PCCA: variants seen among roughly 807,000 people sequenced by gnomAD.
PCCA encodes propionyl-CoA carboxylase subunit alpha.
Under a neutral mutation model 101.3 loss-of-function variants are expected in PCCA, and 74 were observed. The ratio of observed to expected loss-of-function variants is 0.73; its 90% CI spans 0.61 to 0.89. The LOEUF is 0.89. Among genes scored for constraint, PCCA ranks in the 40% least tolerant of loss-of-function variants. PCCA has a pLI of 0.00. For synonymous variants in PCCA, 294 were observed against 313.6 expected (o/e 0.94, Z 0.66); for missense variants, 891 against 907.0 (o/e 0.98, Z 0.23).
At chr13:100,389,975 C>G (rs142538256) in intron 19 of PCCA, among the ~76,000 whole-genome samples, 1 of 152,186 alleles carries the variant, frequency 6.6e-6, no homozygotes, top group Non-Finnish European at 1.5e-5. Flanking sequence ...TTTGGAGAGG[C>G]AAGACTGGAG....
intron 20 of PCCA, among the ~76,000 whole-genome samples, chr13:100,446,206 T>G (rs2080819154): frequency 1.3e-5 from 2 of 152,044 alleles, no homozygotes; most frequent in Non-Finnish European, 2.9e-5. Flanking sequence ...CCCGGCTACT[T>G]TTTATATTTT....
At chr13:100,187,096 A>G (rs1045288828) in intron 6 of PCCA, among the ~76,000 whole-genome samples, 1 of 152,242 alleles carries the variant, frequency 6.6e-6, no homozygotes, top group African/African-American at 2.4e-5. Context: ...TCACTCCTGC[A>G]ACCCTAAATG....
intron 6 of PCCA, among the ~76,000 whole-genome samples, chr13:100,169,770 G>C (rs1226779727): frequency 6.6e-6 from 1 of 150,678 alleles, no homozygotes; most frequent in Non-Finnish European, 1.5e-5. Flanking sequence ...TGCGATCTCA[G>C]TTCGCTACAG....
intron 17 of PCCA, among the ~76,000 whole-genome samples, chr13:100,333,233 G>A (rs925183813): frequency 2.6e-5 from 4 of 151,886 alleles, no homozygotes; most frequent in African/African-American, 4.8e-5. Context: ...AAACTGTATC[G>A]TCTTTTGACT....
chr13:100,244,888 A>G (rs1461197188), intron 8 of PCCA, among the ~76,000 whole-genome samples: 1 of 151,538 alleles, frequency 6.6e-6, no homozygotes, highest in Non-Finnish European at 1.5e-5. Flanking sequence ...ATATGTTTAT[A>G]TAGTTATTTG....
At chr13:100,422,334 C>T (rs2078886538) in intron 19 of PCCA, among the ~76,000 whole-genome samples, 1 of 151,724 alleles carries the variant, frequency 6.6e-6, no homozygotes, top group Non-Finnish European at 1.5e-5. Context: ...GATGGGGTCT[C>T]ACTTTGTTGC....
At chr13:100,090,898 A>G (rs533384439) in intron 1 of PCCA, among the ~76,000 whole-genome samples, 1 of 152,344 alleles carries the variant, frequency 6.6e-6, no homozygotes, top group South Asian at 2.1e-4. Context: ...TGTGCTCTTA[A>G]TCATACTATG....
chr13:100,376,978 C>A (rs899351436), intron 19 of PCCA, among the ~76,000 whole-genome samples: 1 of 152,168 alleles, frequency 6.6e-6, no homozygotes, highest in African/African-American at 2.4e-5. Context: ...TTGTGAAGAC[C>A]GTGGGAAACG....
intron 6 of PCCA, among the ~76,000 whole-genome samples, chr13:100,196,465 G>A (rs9585378): frequency 4.7e-4 from 72 of 152,146 alleles, no homozygotes; most frequent in African/African-American, 1.6e-3. Flanking sequence ...CAGTTACAGT[G>A]GGGAAAGTTA....
chr13:100,257,586 T>C lies in PCCA; in HGVS notation c.638-9T>C. On this transcript the variant is annotated splice_polypyrimidine_tract_variant and intron_variant, in intron 8 of 23. Coordinates refer to ENST00000376285, the MANE Select transcript of PCCA (RefSeq NM_000282.4). Reference sequence around the variant, plus strand: ...TCTGAACTTCTGTCTAATTCTTCCCTGCTGTTAGGCTACCCTGTCATGATC... The same window carrying C: ...TCTGAACTTCTGTCTAATTCTTCCCCGCTGTTAGGCTACCCTGTCATGATC... 6.2e-7 allele frequency: 1 copy of C among 1,608,540 alleles called. No individual in the cohort carries two copies. The highest frequency in any genetic ancestry group is 8.5e-7 in the Non-Finnish European group (1 of 1,175,564).
chr13:100,470,186 G>A (rs866621983), intron 21 of PCCA, among the ~76,000 whole-genome samples: 3 of 152,170 alleles, frequency 2.0e-5, no homozygotes, highest in Non-Finnish European at 2.9e-5. Flanking sequence ...CAGCTCATCC[G>A]CCAGCTGAAC....
chr13:100,091,752 G>A (rs2046302137), intron 1 of PCCA, among the ~76,000 whole-genome samples: 1 of 152,098 alleles, frequency 6.6e-6, no homozygotes. Context: ...GGTATATGTA[G>A]AGTTCACCTT....
intron 6 of PCCA, among the ~76,000 whole-genome samples, chr13:100,157,644 G>C (rs1181250892): frequency 6.6e-6 from 1 of 152,114 alleles, no homozygotes; most frequent in Non-Finnish European, 1.5e-5. Flanking sequence ...AAATATGTTA[G>C]GGAGTTTAGT....
intron 4 of PCCA, among the ~76,000 whole-genome samples, chr13:100,146,267 T>G (rs2052551228): frequency 6.6e-6 from 1 of 151,442 alleles, no homozygotes; most frequent in Admixed American, 6.6e-5. Context: ...AGATATCTGT[T>G]GTATTAAATT....
chr13:100,155,168 A>T (rs1471171163), intron 5 of PCCA, 76 bp downstream of exon 5: 25 of 966,710 alleles, frequency 2.6e-5, no homozygotes, highest in Non-Finnish European at 4.0e-5. Context: ...TATTTAAAAA[A>T]AAAAATAGGA....
chr13:100,090,185 C>A (rs1180489560), intron 1 of PCCA, among the ~76,000 whole-genome samples: 1 of 152,316 alleles, frequency 6.6e-6, no homozygotes, highest in East Asian at 1.9e-4. Flanking sequence ...TTAGAGACGA[C>A]CTGCCCCATC....
intron 6 of PCCA, among the ~76,000 whole-genome samples, chr13:100,188,965 G>A (rs1336630595): frequency 1.3e-5 from 2 of 151,736 alleles, no homozygotes; most frequent in African/African-American, 4.8e-5. Context: ...GTATACATGT[G>A]CCATGGTGGT....
chr13:100,133,328 T>G (rs1191695326), intron 4 of PCCA, among the ~76,000 whole-genome samples: 3 of 152,228 alleles, frequency 2.0e-5, no homozygotes, highest in Admixed American at 6.5e-5. Flanking sequence ...GGCAAATAGT[T>G]TCTTCCAGTT....
chr13:100,314,432 G>A lies in PCCA; in HGVS notation c.1429+4524G>A, dbSNP rs532547935. 2.0e-4 allele frequency among the ~76,000 whole-genome samples: 30 copies of A among 152,190 alleles called. 1 individual carries two copies. The South Asian group carries it at 6.2e-3, about 32-fold the overall frequency. ...TTGATCCTATCAATCTGCCATTAGTGATTAAGTCATTCTTCAGTCCCTCTC... is the reference window on the plus strand; with the variant it reads ...TTGATCCTATCAATCTGCCATTAGTAATTAAGTCATTCTTCAGTCCCTCTC... On this transcript the variant is annotated intron_variant, in intron 16 of 23. Transcript: ENST00000376285.
Sources: allele counts gnomAD v4.1 joint callset (sites outside exome capture counted in the v4.1 genomes callset), GRCh38; gene constraint gnomAD v4.1.1; transcripts MANE v1.5; gene names NCBI Gene and HGNC (gene_info 2026-07-23, HGNC 2026-07-21).